The following KCNN3 variants were observed in gnomAD, a reference collection of about 807,000 sequenced individuals.
KCNN3 encodes potassium calcium-activated channel subfamily N member 3, also known as small conductance calcium-activated potassium channel protein 3.
Under a neutral mutation model 62.9 loss-of-function variants are expected in KCNN3, and 16 were observed. The ratio of observed to expected loss-of-function variants is 0.25; its 90% confidence interval spans 0.17 to 0.39. The LOEUF is 0.39. Ranked by LOEUF, KCNN3 falls within the 10% of genes least tolerant of loss-of-function variation. The pLI is 1.00. For missense variants in KCNN3, 599 were observed against 949.4 expected (o/e 0.63, Z 4.85); for synonymous variants, 370 against 389.2 (o/e 0.95, Z 0.58).
At chr1:154,822,346 A>T (rs969347103) in intron 1 of KCNN3, among the ~76,000 whole-genome samples, 162 bp from the exon 2 acceptor site, 1 of 152,174 alleles carries the variant, frequency 6.6e-6, no homozygotes, top group Non-Finnish European at 1.5e-5. Context: ...GCCCCACAAA[A>T]GCCTTGGGCT....
At chr1:154,811,471 A>G (rs1318102766) in intron 2 of KCNN3, among the ~76,000 whole-genome samples, 1 of 152,210 alleles carries the variant, frequency 6.6e-6, no homozygotes, top group Admixed American at 6.5e-5. Flanking sequence ...CAAGTTTAAA[A>G]AGTGTTTTAA....
intron 2 of KCNN3, among the ~76,000 whole-genome samples, chr1:154,782,497 C>T (rs1189957872): frequency 6.6e-6 from 1 of 152,176 alleles, no homozygotes; most frequent in Non-Finnish European, 1.5e-5. Flanking sequence ...TTCTCTTCTC[C>T]TAGAGCTGCA....
In KCNN3 at chr1:154,772,255, G is replaced by A. The variant is rs761267826; in HGVS notation, c.1168C>T (p.Leu390=). ...CGGGAGGGTGTGTAGGAGAAGGCCA[G>A]GCGTGCCGTCCAGAAGAACTTGTAC... ...GEYKFFWTAR[L]AFSYTPSRAE... The change falls in exon 3 of 8, where the codon CTG becomes TTG. Residue 390 remains leucine, a synonymous_variant. Transcript: ENST00000271915. This position sits in a 1 kb window ranked among gnomAD's most constrained non-coding sequence, Gnocchi z 5.6. The A allele has an allele frequency of 6.2e-7, 1 of 1,614,264 alleles. No individual in the cohort carries two copies. Among genetic ancestry groups the A allele is most frequent in the Admixed American group, 1.7e-5 (1 of 60,038 alleles).
chr1:154,850,671 C>T (rs1652265496), intron 1 of KCNN3, among the ~76,000 whole-genome samples: 1 of 152,172 alleles, frequency 6.6e-6, no homozygotes, highest in African/African-American at 2.4e-5. Flanking sequence ...GAGGTTATTC[C>T]ACCTCTCCAA....
intron 1 of KCNN3, among the ~76,000 whole-genome samples, chr1:154,845,014 A>C (rs1347279398): frequency 6.7e-6 from 1 of 149,952 alleles, no homozygotes; most frequent in African/African-American, 2.5e-5. Context: ...TCAAAAAACA[A>C]AAAAAAGAGA....
At chr1:154,744,682 C>G (rs1419900567) in intron 3 of KCNN3, among the ~76,000 whole-genome samples, 2 of 152,150 alleles carry the variant, frequency 1.3e-5, no homozygotes, top group African/African-American at 2.4e-5. Context: ...CCAATATAAT[C>G]AACTTCTAAT....
At chr1:154,795,446 AAGGTTCC>A (rs1284776813) in intron 2 of KCNN3, among the ~76,000 whole-genome samples, 1 of 152,150 alleles carries the variant, frequency 6.6e-6, no homozygotes, top group Non-Finnish European at 1.5e-5. Context: ...GGCTTCTCTG[AAGGTTCC>A]AGGACCATCA....
At chr1:154,781,750 C>T (rs55732640) in intron 2 of KCNN3, among the ~76,000 whole-genome samples, 18,098 of 152,256 alleles carry the variant, frequency 0.12, 1,122 homozygotes, top group East Asian at 0.22. Flanking sequence ...ATTCATTGAG[C>T]ATGAGTTGAG....
At chr1:154,822,531 A>T (rs1650945034) in intron 1 of KCNN3, among the ~76,000 whole-genome samples, 1 of 152,266 alleles carries the variant, frequency 6.6e-6, no homozygotes, top group Non-Finnish European at 1.5e-5. Context: ...TTCCATGCTC[A>T]TAACTCATAT....
At chr1:154,865,354 A>G (rs189961300) in intron 1 of KCNN3, among the ~76,000 whole-genome samples, 1 of 143,468 alleles carries the variant, frequency 7.0e-6, no homozygotes, top group Non-Finnish European at 1.5e-5. Context: ...CTGCCTATTA[A>G]AAAAAAAAAA....
At chr1:154,776,485 C>T (rs1056893992) in intron 2 of KCNN3, among the ~76,000 whole-genome samples, 3 of 152,144 alleles carry the variant, frequency 2.0e-5, no homozygotes, top group African/African-American at 7.2e-5. Flanking sequence ...TTCTGCTAGA[C>T]AGGGCTCCGC....
In KCNN3 at chr1:154,818,844, A is replaced by C. The variant is rs189184040; in HGVS notation, c.1029+3245T>G. Among the ~76,000 whole-genome samples the C allele has an allele frequency of 2.0e-4, 30 of 152,362 alleles. 1 individual carries two copies. The highest frequency in any genetic ancestry group is 7.0e-4 in the African/African-American group (29 of 41,584). On this transcript the variant is annotated intron_variant, in intron 2 of 7. Coordinates refer to ENST00000271915, the MANE Select transcript of KCNN3 (RefSeq NM_002249.6). ...ACTCAAGCCATCTAAATGAACAAGT[A>C]AGAATACTGTTCTAAAAGGTACTCC... is the stretch of plus-strand genomic sequence containing the variant.
intron 2 of KCNN3, among the ~76,000 whole-genome samples, chr1:154,806,826 T>A (rs1257458051): frequency 6.6e-6 from 1 of 152,160 alleles, no homozygotes; most frequent in Non-Finnish European, 1.5e-5. Flanking sequence ...CTGTATAATG[T>A]TCATAAGGCT....
chr1:154,826,090 A>C (rs1221345622), intron 1 of KCNN3, among the ~76,000 whole-genome samples: 5 of 147,984 alleles, frequency 3.4e-5, no homozygotes, highest in African/African-American at 1.3e-4. Context: ...CAAAAACAAA[A>C]AAAACCAAAA....
At chr1:154,745,385 G>A (rs986027582) in intron 3 of KCNN3, among the ~76,000 whole-genome samples, 2 of 152,232 alleles carry the variant, frequency 1.3e-5, no homozygotes, top group Admixed American at 6.5e-5. Flanking sequence ...GGTTGGTGTG[G>A]CTTTTTCTCA....
intron 3 of KCNN3, among the ~76,000 whole-genome samples, chr1:154,748,586 T>C (rs1037965932): frequency 6.6e-6 from 1 of 152,238 alleles, no homozygotes; most frequent in Non-Finnish European, 1.5e-5. Context: ...TCACGTGCCA[T>C]GTGGGCCAAA....
chr1:154,722,534 C>T (rs1331786689), intron 5 of KCNN3, among the ~76,000 whole-genome samples: 4 of 149,748 alleles, frequency 2.7e-5, no homozygotes, highest in Admixed American at 6.6e-5. Context: ...GCTACAGGCA[C>T]GTGCCACTAC....
chr1:154,761,120 ATTCT>A (rs886297956), intron 3 of KCNN3, among the ~76,000 whole-genome samples: 1 of 149,154 alleles, frequency 6.7e-6, no homozygotes, highest in African/African-American at 2.5e-5. Flanking sequence ...ATGTATATTC[ATTCT>A]CATTGTTGAA....
At position 154,822,114 on chromosome 1, in the gene KCNN3, A is replaced by G; in HGVS notation, c.1004T>C (p.Ile335Thr). 2 of 1,614,072 alleles carry G rather than the reference A, an allele frequency of 1.2e-6. No individual in the cohort carries two copies. Among genetic ancestry groups the G allele is most frequent in the Non-Finnish European group, 1.7e-6 (2 of 1,179,912 alleles). The change falls in exon 2 of 8, where the codon ATC becomes ACC. Residue 335 changes from isoleucine to threonine, a missense_variant. Physicochemically the swap from Ile to Thr is moderately conservative, Grantham distance 89. Coordinates refer to ENST00000271915, the MANE Select transcript of KCNN3 (RefSeq NM_002249.6). Reference protein sequence around the residue: ...LSTIILLGLIIAYHTREVQLF... With the variant: ...LSTIILLGLITAYHTREVQLF... ...CTGGACTTCACGTGTGTGGTAGGCG[A>G]TGATCAAGCCCAAAAGGATGATGGT...
Sources: allele counts gnomAD v4.1 joint callset (sites outside exome capture counted in the v4.1 genomes callset), GRCh38; gene constraint gnomAD v4.1.1; non-coding constraint Gnocchi (gnomAD v3.1); transcripts MANE v1.5; gene names NCBI Gene and HGNC (gene_info 2026-07-23, HGNC 2026-07-21).